The following TMEM132D variants were observed in gnomAD, a reference collection of about 807,000 sequenced individuals.
The protein encoded by TMEM132D is transmembrane protein 132D.
A neutral mutation model predicts 62.3 loss-of-function variants in TMEM132D; 21 were observed. The ratio of observed to expected loss-of-function variants is 0.34; its 90% confidence interval spans 0.24 to 0.49. TMEM132D has a LOEUF of 0.49. Among genes scored for constraint, TMEM132D ranks in the 20% least tolerant of loss-of-function variants. The pLI, the probability that TMEM132D is intolerant of heterozygous loss-of-function variation, is 0.99. For synonymous variants in TMEM132D, 621 were observed against 575.6 expected, an observed-to-expected ratio of 1.08 and a Z score of -1.13; for missense variants, 1,346 against 1,402.8, an observed-to-expected ratio of 0.96 and a Z score of 0.65.
chr12:129,590,242 C>A (rs755369156), intron 2 of TMEM132D, among the ~76,000 whole-genome samples: 7 of 152,120 alleles, frequency 4.6e-5, no homozygotes, highest in Non-Finnish European at 8.8e-5. Context: ...AGATGAGCAA[C>A]CCCCATCCTT....
intron 1 of TMEM132D, among the ~76,000 whole-genome samples, chr12:129,735,148 G>A (rs1016530407): frequency 6.6e-6 from 1 of 152,124 alleles, no homozygotes; most frequent in African/African-American, 2.4e-5. Flanking sequence ...CTTAATTACA[G>A]AGCAATGAGA....
intron 1 of TMEM132D, among the ~76,000 whole-genome samples, chr12:129,788,451 TTAAC>T (rs1871302690): frequency 6.6e-6 from 1 of 152,226 alleles, no homozygotes; most frequent in East Asian, 1.9e-4. Context: ...TGATCTCCAC[TTAAC>T]TATTTTTCAA....
In TMEM132D at chr12:129,719,786, T is replaced by C. The variant is rs144512883; in HGVS notation, c.80-19088A>G. On this transcript the variant is annotated intron_variant, in intron 1 of 8. Coordinates refer to ENST00000422113, the MANE Select transcript of TMEM132D (RefSeq NM_133448.3). Reference sequence around the variant, plus strand: ...ACCTTAAACTTTTGATTAAATGTTATGCCTCTCTGTGACAAGTTTATTTCA... The same window carrying C: ...ACCTTAAACTTTTGATTAAATGTTACGCCTCTCTGTGACAAGTTTATTTCA... Among the ~76,000 whole-genome samples the C allele has an allele frequency of 2.6e-5, 4 of 152,338 alleles. No individual in the cohort carries two copies. In the East Asian group the frequency reaches 7.7e-4, roughly 29 times the overall value.
At chr12:129,138,164 C>T in intron 5 of TMEM132D, among the ~76,000 whole-genome samples, 1 of 152,154 alleles carries the variant, frequency 6.6e-6, no homozygotes, top group East Asian at 1.9e-4. Context: ...GATCACCTTA[C>T]CATTGCCTTG....
intron 2 of TMEM132D, among the ~76,000 whole-genome samples, chr12:129,684,506 T>C (rs953148975): frequency 6.6e-6 from 1 of 152,058 alleles, no homozygotes; most frequent in African/African-American, 2.4e-5. Flanking sequence ...TAGTTCTTTA[T>C]AGCAGTGTGA....
intron 2 of TMEM132D, among the ~76,000 whole-genome samples, chr12:129,626,750 C>T (rs755621161): frequency 1.3e-5 from 2 of 152,078 alleles, no homozygotes; most frequent in South Asian, 2.1e-4. Flanking sequence ...GCCACCAGGC[C>T]GGCCTAGTGC....
intron 2 of TMEM132D, among the ~76,000 whole-genome samples, chr12:129,648,308 T>TC (rs1223479438): frequency 1.3e-5 from 2 of 152,072 alleles, no homozygotes; most frequent in Non-Finnish European, 2.9e-5. Context: ...CAGCTTTGAC[T>TC]CCCCATGATT....
intron 1 of TMEM132D, among the ~76,000 whole-genome samples, chr12:129,816,813 C>T (rs1017459489): frequency 3.9e-5 from 6 of 152,148 alleles, no homozygotes; most frequent in Non-Finnish European, 7.4e-5. Flanking sequence ...TTTGCTAAAA[C>T]GAACGCAGAT....
At chr12:129,727,670 T>C (rs1229576725) in intron 1 of TMEM132D, among the ~76,000 whole-genome samples, 3 of 152,170 alleles carry the variant, frequency 2.0e-5, no homozygotes, top group Non-Finnish European at 4.4e-5. Flanking sequence ...TGACTTTCAT[T>C]GCTAAGATCC....
intron 4 of TMEM132D, among the ~76,000 whole-genome samples, chr12:129,251,591 T>C (rs905039710): frequency 1.3e-5 from 2 of 152,150 alleles, no homozygotes; most frequent in East Asian, 1.9e-4. Context: ...GAAGACTAAA[T>C]AGGTTAGAGG....
intron 2 of TMEM132D, among the ~76,000 whole-genome samples, chr12:129,547,472 C>G (rs1055517136): frequency 6.6e-6 from 1 of 152,054 alleles, no homozygotes; most frequent in Non-Finnish European, 1.5e-5. Context: ...CTCATCTGAA[C>G]CTAATTAAAT....
intron 4 of TMEM132D, among the ~76,000 whole-genome samples, chr12:129,314,281 T>G (rs1163047877): frequency 6.6e-6 from 1 of 152,234 alleles, no homozygotes; most frequent in Non-Finnish European, 1.5e-5. Flanking sequence ...CCATCCTGAG[T>G]TGACTTTTTT....
chr12:129,744,399 G>T (rs1281823328), intron 1 of TMEM132D, among the ~76,000 whole-genome samples: 3 of 152,140 alleles, frequency 2.0e-5, no homozygotes, highest in Non-Finnish European at 4.4e-5. Context: ...TTAAAAGTGG[G>T]TGTGGGAAGG....
chr12:129,175,503 T>C (rs1173414341), intron 5 of TMEM132D, among the ~76,000 whole-genome samples: 1 of 152,216 alleles, frequency 6.6e-6, no homozygotes, highest in African/African-American at 2.4e-5. Flanking sequence ...GTAAAGTTCT[T>C]ATAAATGAAA....
At chr12:129,657,040 A>G (rs190630082) in intron 2 of TMEM132D, among the ~76,000 whole-genome samples, 10 of 152,352 alleles carry the variant, frequency 6.6e-5, no homozygotes. Flanking sequence ...CTGAAATATC[A>G]TATGTGTCCA....
intron 2 of TMEM132D, among the ~76,000 whole-genome samples, chr12:129,535,666 G>A (rs987057850): frequency 1.3e-5 from 2 of 152,150 alleles, no homozygotes; most frequent in Non-Finnish European, 2.9e-5. Context: ...TAATACAAAT[G>A]TGTGCTATAA....
chr12:129,626,589 C>G (rs1407949655), intron 2 of TMEM132D, among the ~76,000 whole-genome samples: 1 of 152,062 alleles, frequency 6.6e-6, no homozygotes, highest in Admixed American at 6.5e-5. Flanking sequence ...TCCCGAGTAG[C>G]TGCGATTACA....
At chr12:129,313,754 G>C (rs1164041250) in intron 4 of TMEM132D, among the ~76,000 whole-genome samples, 2 of 152,140 alleles carry the variant, frequency 1.3e-5, no homozygotes, top group African/African-American at 4.8e-5. Flanking sequence ...ACAAATGGTA[G>C]CTCTACTTTT....
intron 1 of TMEM132D, among the ~76,000 whole-genome samples, chr12:129,849,784 G>A (rs1369082770): frequency 1.3e-5 from 2 of 152,110 alleles, no homozygotes; most frequent in African/African-American, 4.8e-5. Context: ...TATGATATCA[G>A]TATACACGAT....
Sources: allele counts gnomAD v4.1 joint callset (sites outside exome capture counted in the v4.1 genomes callset), GRCh38; gene constraint gnomAD v4.1.1; transcripts MANE v1.5; gene names NCBI Gene and HGNC (gene_info 2026-07-23, HGNC 2026-07-21).